The following PELI2 variants were observed in gnomAD, a reference collection of about 807,000 sequenced individuals.
The protein encoded by PELI2 is E3 ubiquitin-protein ligase pellino homolog 2.
A neutral mutation model predicts 42.3 loss-of-function variants in PELI2; 23 were observed. That is an observed-to-expected ratio of 0.54 (90% CI 0.39 to 0.77). The LOEUF (loss-of-function observed/expected upper bound fraction) is 0.77. PELI2 is among the 30% of genes least tolerant of loss of function. The pLI is 0.00. For synonymous variants in PELI2, 245 were observed against 212.2 expected, an observed-to-expected ratio of 1.15 and a Z score of -1.34; for missense variants, 463 against 553.2, an observed-to-expected ratio of 0.84 and a Z score of 1.64.
At chr14:56,185,099 A>G (rs764616356) in intron 2 of PELI2, among the ~76,000 whole-genome samples, 4 of 152,078 alleles carry the variant, frequency 2.6e-5, no homozygotes, top group Non-Finnish European at 4.4e-5. Flanking sequence ...ATCACTCCTG[A>G]CATGAATAAC....
At chr14:56,215,373 G>A (rs1375515171) in intron 2 of PELI2, among the ~76,000 whole-genome samples, 3 of 152,156 alleles carry the variant, frequency 2.0e-5, no homozygotes, top group East Asian at 1.9e-4. Context: ...AGGAAAGCCC[G>A]CCGGGGGAGC....
intron 2 of PELI2, among the ~76,000 whole-genome samples, chr14:56,203,843 G>T (rs4901651): frequency 0.4 from 61,110 of 151,884 alleles, 12,992 homozygotes; most frequent in South Asian, 0.53. Flanking sequence ...AATTAGAGTG[G>T]AGAAAATCGG....
intron 1 of PELI2, among the ~76,000 whole-genome samples, chr14:56,127,281 T>C (rs137903907): frequency 9.8e-4 from 149 of 152,232 alleles, no homozygotes; most frequent in Non-Finnish European, 4.7e-4. Flanking sequence ...TTCAAGCTTT[T>C]AAAGGTCACC....
intron 5 of PELI2, among the ~76,000 whole-genome samples, chr14:56,290,992 C>T (rs546155109): frequency 3.3e-5 from 5 of 152,316 alleles, no homozygotes; most frequent in African/African-American, 9.6e-5. Context: ...CTGCATTGAC[C>T]TGGCATGTTA....
At chr14:56,186,575 G>A (rs1039048940) in intron 2 of PELI2, among the ~76,000 whole-genome samples, 1 of 152,270 alleles carries the variant, frequency 6.6e-6, no homozygotes, top group South Asian at 2.1e-4. Flanking sequence ...TTACTGAGCA[G>A]CTCTTAATCT....
intron 1 of PELI2, among the ~76,000 whole-genome samples, chr14:56,165,192 T>C (rs1344604254): frequency 6.6e-6 from 1 of 152,152 alleles, no homozygotes; most frequent in African/African-American, 2.4e-5. Context: ...AGTACTACTT[T>C]TGCTGTATCT....
In PELI2 at chr14:56,300,912, T is replaced by C. The variant is rs930410626; in HGVS notation, c.*3746T>C. 3.3e-5 allele frequency: 5 copies of C among 152,322 alleles called. No individual in the cohort carries two copies. In the East Asian group the frequency reaches 9.6e-4, roughly 29 times the overall value. 9.4% of individuals were successfully genotyped at this position (152,322 alleles called of 1,614,324 possible). A position where few individuals can be genotyped will look rare whatever the true frequency, so the allele number is the denominator to read the frequency against. On this transcript the variant is annotated 3_prime_UTR_variant, in exon 6 of 6. Transcript: ENST00000267460. ...GCAGTAACACAAAAAAAAGGTTCAG[T>C]ATTTTCTTTTTAGTATAACTTACAT... is the stretch of plus-strand genomic sequence containing the variant.
rs1218927078 is a variant in PELI2 at position 56,198,004 on chromosome 14, ACACACACACC to A, written c.207+19544_207+19553del. Among the ~76,000 whole-genome samples, 65 of 132,398 alleles carry A rather than the reference ACACACACACC, an allele frequency of 4.9e-4. No individual in the cohort carries two copies. The Middle Eastern group carries it at 0.015, about 30-fold the overall frequency. 86.9% of individuals were successfully genotyped at this position (132,398 alleles called of 152,430 possible). Reference sequence around the variant, plus strand: ...CACACACACACACACACACACACACACACACACACCCACCTCTTTGGTCCACTTCTCTAGA... The same window carrying A: ...CACACACACACACACACACACACACACACCTCTTTGGTCCACTTCTCTAGA... On this transcript the variant is annotated intron_variant, in intron 2 of 5. Coordinates refer to ENST00000267460, the MANE Select transcript of PELI2 (RefSeq NM_021255.3).
At chr14:56,275,937 C>G (rs1889276978) in intron 2 of PELI2, among the ~76,000 whole-genome samples, 1 of 152,160 alleles carries the variant, frequency 6.6e-6, no homozygotes, top group Non-Finnish European at 1.5e-5. Context: ...ACCCTACCTG[C>G]TCTCCTTTCT....
intron 5 of PELI2, among the ~76,000 whole-genome samples, chr14:56,290,721 C>G (rs1889801396): frequency 6.6e-6 from 1 of 152,100 alleles, no homozygotes; most frequent in Non-Finnish European, 1.5e-5. Flanking sequence ...TATTATATAC[C>G]TCACCACAAA....
intron 2 of PELI2, among the ~76,000 whole-genome samples, chr14:56,248,784 C>T (rs915700299): frequency 2.6e-5 from 4 of 151,742 alleles, no homozygotes; most frequent in Non-Finnish European, 2.9e-5. Context: ...TGTTGCTGCT[C>T]CTTAGTATTC....
rs146785396 is a variant in PELI2 at position 56,187,934 on chromosome 14, C to T, written c.207+9470C>T. 8.3e-3 allele frequency among the ~76,000 whole-genome samples: 1,270 copies of T among 152,332 alleles called. 8 individuals carry two copies. The highest frequency in any genetic ancestry group is 0.012 in the Non-Finnish European group (803 of 68,038). The stretch of plus-strand genomic sequence containing the variant: ...CTTCTCTGTGCTCCGCAGGTGGCCA[C>T]GTTTTCTCTGGCCTGTGGACCTTCG... On this transcript the variant is annotated intron_variant, in intron 2 of 5. Coordinates refer to ENST00000267460, the MANE Select transcript of PELI2 (RefSeq NM_021255.3).
chr14:56,216,199 AT>A (rs3837612), intron 2 of PELI2, among the ~76,000 whole-genome samples: 60,744 of 151,962 alleles, frequency 0.4, 12,984 homozygotes, highest in South Asian at 0.53. Flanking sequence ...CAGATTTTAC[AT>A]TTGTGGGGCT....
At chr14:56,241,351 A>T (rs577762239) in intron 2 of PELI2, among the ~76,000 whole-genome samples, 1 of 152,230 alleles carries the variant, frequency 6.6e-6, no homozygotes, top group Non-Finnish European at 1.5e-5. Context: ...TTGGGAATCA[A>T]TTCAGGAAGT....
intron 1 of PELI2, among the ~76,000 whole-genome samples, chr14:56,132,211 G>A (rs760734779): frequency 5.3e-5 from 8 of 152,150 alleles, no homozygotes; most frequent in Non-Finnish European, 1.0e-4. Flanking sequence ...ACTCTGCACA[G>A]TCAGTAAAGG....
intron 2 of PELI2, among the ~76,000 whole-genome samples, chr14:56,223,037 T>A (rs1887206116): frequency 6.6e-6 from 1 of 152,140 alleles, no homozygotes; most frequent in African/African-American, 2.4e-5. Context: ...GGTAAATGGC[T>A]GCAGCCGACC....
At chr14:56,245,203 C>T (rs1594678292) in intron 2 of PELI2, among the ~76,000 whole-genome samples, 1 of 152,124 alleles carries the variant, frequency 6.6e-6, no homozygotes, top group South Asian at 2.1e-4. Context: ...AATATCTGTA[C>T]TCCTTAGTAG....
chr14:56,170,808 G>A (rs981347394), intron 1 of PELI2, among the ~76,000 whole-genome samples: 24 of 152,136 alleles, frequency 1.6e-4, no homozygotes, highest in Non-Finnish European at 8.8e-5. Flanking sequence ...TACCCTTACT[G>A]TAAAGACCAA....
intron 2 of PELI2, among the ~76,000 whole-genome samples, chr14:56,259,650 G>A (rs999579835): frequency 2.6e-5 from 4 of 152,098 alleles, no homozygotes; most frequent in African/African-American, 9.7e-5. Context: ...ACTTGATAAA[G>A]GATGTTTTTG....
Sources: gnomAD v4.1 joint callset for allele counts (sites outside exome capture counted in the v4.1 genomes callset) on GRCh38, gnomAD v4.1.1 for gene constraint, MANE v1.5 for transcripts, NCBI Gene and HGNC (gene_info 2026-07-23, HGNC 2026-07-21) for gene names.